PKP4: variants seen among roughly 807,000 people sequenced by gnomAD.
PKP4 encodes plakophilin-4.
Under a neutral mutation model 145.1 loss-of-function variants are expected in PKP4, and 90 were observed. The ratio of observed to expected loss-of-function variants is 0.62; its 90% CI spans 0.52 to 0.74. PKP4 has a LOEUF of 0.74. PKP4 is among the 30% of genes least tolerant of loss of function. The probability of loss-of-function intolerance (pLI) is 0.00; values close to 1 mark genes in which losing one functional copy is unlikely to be tolerated. For missense variants in PKP4, 1,340 were observed against 1,482.7 expected (o/e 0.90, Z 1.58); for synonymous variants, 563 against 577.2 (o/e 0.98, Z 0.35).
At chr2:158,627,989 T>C (rs920727152) in intron 7 of PKP4, among the ~76,000 whole-genome samples, 1 of 151,492 alleles carries the variant, frequency 6.6e-6, no homozygotes, top group South Asian at 2.1e-4. Context: ...TTTATTTTTT[T>C]ATTTTTTTTT....
At position 158,506,875 on chromosome 2, in the gene PKP4, T is replaced by G. The variant is rs76062258; in HGVS notation, c.-5-26305T>G. 2.1e-3 allele frequency among the ~76,000 whole-genome samples: 320 copies of G among 152,278 alleles called. 2 individuals carry two copies. The highest frequency in any genetic ancestry group is 6.9e-3 in the African/African-American group (288 of 41,568). On this transcript the variant is annotated intron_variant, in intron 1 of 21. Coordinates refer to ENST00000389759, the MANE Select transcript of PKP4 (RefSeq NM_003628.6). ...AAGTTCCTATAGAGGCAATATCACT[T>G]TTAGGATGGATGGGTCTAAAAGGAT...
At chr2:158,560,022 A>G (rs960766888) in intron 2 of PKP4, among the ~76,000 whole-genome samples, 8 of 152,008 alleles carry the variant, frequency 5.3e-5, no homozygotes, top group Non-Finnish European at 1.2e-4. Flanking sequence ...ATGCACCACC[A>G]CGCCTGGCTA....
At chr2:158,507,256 G>C (rs536087015) in intron 1 of PKP4, among the ~76,000 whole-genome samples, 2 of 152,224 alleles carry the variant, frequency 1.3e-5, no homozygotes, top group Non-Finnish European at 2.9e-5. Context: ...AGAGAGAATT[G>C]TTTCTGGGTG....
At chr2:158,671,757 G>A (rs1012428454) in intron 17 of PKP4, among the ~76,000 whole-genome samples, 26 of 152,342 alleles carry the variant, frequency 1.7e-4, no homozygotes, top group African/African-American at 4.3e-4. Flanking sequence ...GGTGCCAAAC[G>A]AACAGAAACG....
chr2:158,678,735 G>GC, intron 21 of PKP4, 81 bp downstream of exon 21: 2 of 929,836 alleles, frequency 2.2e-6, no homozygotes, highest in Admixed American at 1.7e-5. Flanking sequence ...ACTTCCCAGA[G>GC]CTGGGCCAAC....
rs778901803 is a variant in PKP4 at position 158,634,249 on chromosome 2, ACAAGATCCCCAT to A, written c.1526_1537del (p.Arg509_Ser512del). 6.2e-7 allele frequency: 1 copy of A among 1,614,144 alleles called. No homozygotes were observed. Among genetic ancestry groups the A allele is most frequent in the Admixed American group, 1.7e-5 (1 of 60,032 alleles). ...TGCAGTGCCGGCTGATGATGGCACC[ACAAGATCCCCAT>A]CAATAGACAGCATTCAGAAGGACCC... On this transcript the variant is annotated inframe_deletion, in exon 9 of 22. Transcript: ENST00000389759.
At chr2:158,622,174 A>G (rs1260575895) in intron 6 of PKP4, among the ~76,000 whole-genome samples, 2 of 152,206 alleles carry the variant, frequency 1.3e-5, no homozygotes, top group Non-Finnish European at 2.9e-5. Context: ...TATTACCATC[A>G]TCACTGGAAT....
rs778610649 is a variant in PKP4 at position 158,621,186 on chromosome 2, C to T, written c.413-45C>T. ...AGATTTTATTCTTGAAAGCGAGTGT[C>T]AGAAGTGTGTATAATAAAGATATTT... is the stretch of plus-strand genomic sequence containing the variant. On this transcript the variant is annotated intron_variant, in intron 5 of 21. Coordinates refer to ENST00000389759, the MANE Select transcript of PKP4 (RefSeq NM_003628.6). 8 of 1,612,490 alleles carry T rather than the reference C, an allele frequency of 5.0e-6. No individual in the cohort carries two copies. In the African/African-American group the frequency reaches 8.0e-5, roughly 16 times the overall value.
intron 1 of PKP4, among the ~76,000 whole-genome samples, chr2:158,500,480 A>G (rs1287646115): frequency 6.6e-6 from 1 of 152,254 alleles, no homozygotes; most frequent in Non-Finnish European, 1.5e-5. Flanking sequence ...TGCTCTGTTT[A>G]TAGATATTTT....
At chr2:158,462,011 T>C (rs546250005) in intron 1 of PKP4, among the ~76,000 whole-genome samples, 1 of 152,324 alleles carries the variant, frequency 6.6e-6, no homozygotes, top group African/African-American at 2.4e-5. Context: ...AGGTAAAATA[T>C]GTATTTGAAG....
chr2:158,529,000 A>G (rs2043255571), intron 1 of PKP4, among the ~76,000 whole-genome samples: 1 of 152,214 alleles, frequency 6.6e-6, no homozygotes, highest in South Asian at 2.1e-4. Context: ...CTCAAGATTT[A>G]GAGTTTCCTG....
rs1333791151 is a variant in PKP4, at chr2:158,680,900, A to G, written c.*223A>G. On this transcript the variant is annotated 3_prime_UTR_variant, in exon 22 of 22. Coordinates refer to ENST00000389759, the MANE Select transcript of PKP4 (RefSeq NM_003628.6). ...AGGTGTTAGATCTAATTACTTATAG[A>G]TTCTGTAGTCTGGTGAAGGTGTGGG... 4.2e-6 allele frequency: 2 copies of G among 471,828 alleles called. No individual in the cohort carries two copies. Among genetic ancestry groups the G allele is most frequent in the African/African-American group, 2.0e-5 (1 of 51,114 alleles). 29.2% of individuals were successfully genotyped at this position (471,828 alleles called of 1,614,324 possible).
chr2:158,627,179 A>G (rs2052880787), intron 7 of PKP4, among the ~76,000 whole-genome samples: 1 of 152,178 alleles, frequency 6.6e-6, no homozygotes, highest in Non-Finnish European at 1.5e-5. Context: ...TCTGAAAAGT[A>G]TGCAGCAAAA....
intron 1 of PKP4, among the ~76,000 whole-genome samples, chr2:158,492,854 T>G (rs1373865361): frequency 6.6e-6 from 1 of 152,244 alleles, no homozygotes; most frequent in Non-Finnish European, 1.5e-5. Flanking sequence ...TTTCATCATT[T>G]AGAACAGCTT....
At chr2:158,551,695 C>A (rs1439514187) in intron 2 of PKP4, among the ~76,000 whole-genome samples, 1 of 152,130 alleles carries the variant, frequency 6.6e-6, no homozygotes, top group East Asian at 1.9e-4. Flanking sequence ...TTTACCAGTA[C>A]TTATTCTACT....
At chr2:158,635,173 A>G (rs969670389) in intron 9 of PKP4, among the ~76,000 whole-genome samples, 1 of 152,202 alleles carries the variant, frequency 6.6e-6, no homozygotes, top group Non-Finnish European at 1.5e-5. Context: ...ACTTGTTTTA[A>G]TGAATGTGAA....
chr2:158,641,958 C>A (rs1426103943), intron 10 of PKP4, among the ~76,000 whole-genome samples: 2 of 151,754 alleles, frequency 1.3e-5, no homozygotes, highest in African/African-American at 4.8e-5. Flanking sequence ...AATCTCCTAT[C>A]TTTTTTTGAA....
intron 2 of PKP4, among the ~76,000 whole-genome samples, chr2:158,560,120 G>C (rs548035071): frequency 6.6e-6 from 1 of 152,174 alleles, no homozygotes; most frequent in Non-Finnish European, 1.5e-5. Context: ...GCCCTCCTCA[G>C]CCTCCCAAAG....
chr2:158,550,729 A>G (rs1479203507), intron 2 of PKP4, among the ~76,000 whole-genome samples: 1 of 152,220 alleles, frequency 6.6e-6, no homozygotes, highest in Non-Finnish European at 1.5e-5. Context: ...TTATCACTCA[A>G]GTTCTCAAAC....
Sources: allele counts gnomAD v4.1 joint callset (sites outside exome capture counted in the v4.1 genomes callset), GRCh38; gene constraint gnomAD v4.1.1; transcripts MANE v1.5; gene names NCBI Gene and HGNC (gene_info 2026-07-23, HGNC 2026-07-21).